Variants in DHX36 observed in about 807,000 individuals in gnomAD.
DHX36 encodes DEAH-box helicase 36, also known as ATP-dependent DNA/RNA helicase DHX36.
Under a neutral mutation model 139.0 loss-of-function variants are expected in DHX36, and 50 were observed. The ratio of observed to expected loss-of-function variants is 0.36; its 90% CI spans 0.29 to 0.46. The LOEUF (loss-of-function observed/expected upper bound fraction) is 0.46, where lower values mean the gene tolerates loss of function less well. DHX36 is among the 20% of genes least tolerant of loss of function. The pLI, the probability that DHX36 is intolerant of heterozygous loss-of-function variation, is 1.00. For missense variants in DHX36, 1,024 were observed against 1,211.3 expected, an observed-to-expected ratio of 0.85 and a Z score of 2.29; for synonymous variants, 425 against 401.9, an observed-to-expected ratio of 1.06 and a Z score of -0.69.
intron 1 of DHX36, chr3:154,319,130 C>G (rs369308262): frequency 3.3e-5 from 5 of 152,158 alleles, no homozygotes; most frequent in African/African-American, 1.2e-4. Context: ...CTCTCTCCCC[C>G]TCAACAACCT....
chr3:154,299,570 T>C (rs1334132709), intron 12 of DHX36, among the ~76,000 whole-genome samples: 1 of 152,118 alleles, frequency 6.6e-6, no homozygotes. Context: ...ATACTCAGAA[T>C]TCAGAAACAC....
intron 13 of DHX36, among the ~76,000 whole-genome samples, chr3:154,294,436 G>C (rs1711946190): frequency 6.6e-6 from 1 of 152,184 alleles, no homozygotes; most frequent in Non-Finnish European, 1.5e-5. Context: ...AAAACTGGTA[G>C]TCAATACAGA....
chr3:154,309,620 A>G, intron 5 of DHX36, 33 bp downstream of exon 5: 1 of 1,551,538 alleles, frequency 6.4e-7, no homozygotes. Context: ...ACTTTTAAAA[A>G]GACAATTTTT....
intron 15 of DHX36, among the ~76,000 whole-genome samples, chr3:154,290,717 T>C (rs1222223090): frequency 2.6e-5 from 4 of 152,090 alleles, no homozygotes; most frequent in Non-Finnish European, 4.4e-5. Context: ...CTTTAGGCTC[T>C]TGCTGCTATA....
intron 20 of DHX36, 126 bp from the exon 21 acceptor site, chr3:154,280,988 T>G: frequency 1.4e-6 from 1 of 714,530 alleles, no homozygotes; most frequent in Non-Finnish European, 2.3e-6. Flanking sequence ...AGCAAACATG[T>G]TTTAAAGCAA....
chr3:154,288,147 C>CAAAAAAAA (rs34632439), intron 17 of DHX36, among the ~76,000 whole-genome samples: 2 of 53,346 alleles, frequency 3.7e-5, no homozygotes, highest in African/African-American at 1.6e-4. Flanking sequence ...GACTCTGTCT[C>CAAAAAAAA]AAAAAAAAAA....
intron 8 of DHX36, among the ~76,000 whole-genome samples, chr3:154,303,967 T>C (rs1712401608): frequency 6.6e-6 from 1 of 152,130 alleles, no homozygotes; most frequent in Non-Finnish European, 1.5e-5. Flanking sequence ...AAAGCAAACA[T>C]CACATCAGAG....
chr3:154,295,194 T>TAA, intron 13 of DHX36, 90 bp downstream of exon 13: 1 of 761,960 alleles, frequency 1.3e-6, no homozygotes, highest in Non-Finnish European at 2.1e-6. Context: ...AAATACTCCT[T>TAA]AAAAAAAATA....
In DHX36 at chr3:154,284,601, T is replaced by G. The variant is rs969131416; in HGVS notation, c.2274A>C (p.Thr758=). The G allele has an allele frequency of 3.1e-6, 5 of 1,609,376 alleles. No individual in the cohort carries two copies. Among genetic ancestry groups the G allele is most frequent in the Non-Finnish European group, 4.2e-6 (5 of 1,178,480 alleles). Residue 758 remains threonine (T), a synonymous_variant, in exon 19 of 25, where the codon ACA becomes ACC. Transcript: ENST00000496811. ...TTTTTACCTCAAACGCATTCACAAC[T>G]GTTAAGTGATCACTTCTAGTATCCT... is the stretch of plus-strand genomic sequence containing the variant. ...LAKDTRSDHL[T]VVNAFEGWEE...
At chr3:154,292,842 G>A in intron 14 of DHX36, 148 bp from the exon 15 acceptor site, 1 of 1,340,164 alleles carries the variant, frequency 7.5e-7, no homozygotes, top group Non-Finnish European at 9.8e-7. Flanking sequence ...AATGATTTTA[G>A]CCATTCAGGA....
At chr3:154,300,858 A>G (rs1712240926) in intron 10 of DHX36, 129 bp downstream of exon 10, 7 of 1,379,402 alleles carry the variant, frequency 5.1e-6, no homozygotes. Context: ...TCAGCACAAT[A>G]TTTAGCTCGA....
Position 154,324,243 on chromosome 3 carries a change from T to C in DHX36, c.174A>G (p.Lys58=), listed in dbSNP as rs1287135753. The change falls in exon 1 of 25, where the codon AAA becomes AAG. Residue 58 remains lysine, a synonymous_variant. Transcript: ENST00000496811. ...GGRGRHPGHL[K]GREIGMWYAK... is the part of the protein sequence containing the mutation. ...CGTACCACATGCCGATTTCGCGGCC[T>C]TTCAGGTGCCCGGGATGCCGGCCCC... 3 of 1,613,554 alleles carry C rather than the reference T, an allele frequency of 1.9e-6. No individual in the cohort carries two copies. The South Asian group carries it at 3.3e-5, about 18-fold the overall frequency.
rs1372790191 is a variant in DHX36, at chr3:154,309,826, A to G, written c.643-3T>C. ...TTATCAATTAAATTTACCAATTCCT[A>G]TTTCAAAAGGGAAAATAAAGAATAT... is the stretch of plus-strand genomic sequence containing the variant. On this transcript the variant is annotated splice_region_variant and splice_polypyrimidine_tract_variant and intron_variant, in intron 4 of 24. Coordinates refer to ENST00000496811, the MANE Select transcript of DHX36 (RefSeq NM_020865.3). The G allele has an allele frequency of 6.3e-7, 1 of 1,580,092 alleles. No individual in the cohort carries two copies. The highest frequency in any genetic ancestry group is 8.6e-7 in the Non-Finnish European group (1 of 1,163,710).
At chr3:154,292,775 TAACCTATA>T (rs1462552611) in intron 14 of DHX36, 81 bp from the exon 15 acceptor site, 3 of 1,527,158 alleles carry the variant, frequency 2.0e-6, no homozygotes, top group Non-Finnish European at 2.6e-6. Flanking sequence ...AAAGCACTAT[TAACCTATA>T]AAAGACCAAT....
intron 12 of DHX36, among the ~76,000 whole-genome samples, chr3:154,297,485 G>C (rs1712089076): frequency 6.6e-6 from 1 of 152,162 alleles, no homozygotes; most frequent in Non-Finnish European, 1.5e-5. Context: ...GGCCAAGGCA[G>C]GTGGATTACA....
At chr3:154,306,686 G>A (rs1250327953) in intron 5 of DHX36, among the ~76,000 whole-genome samples, 1 of 152,100 alleles carries the variant, frequency 6.6e-6, no homozygotes, top group African/African-American at 2.4e-5. Context: ...GGTAGGGACT[G>A]GTGTTGAATT....
At position 154,315,216 on chromosome 3, in the gene DHX36, T is replaced by C. The variant is rs1306274182; in HGVS notation, c.433A>G (p.Lys145Glu). Residue 145 changes from lysine to glutamate, a missense_variant, in exon 3 of 25, where the codon AAG becomes GAG. Lys to Glu is a moderately conservative substitution (Grantham distance 56, BLOSUM62 1). Transcript: ENST00000496811. ...CSENKLDIQE[K>E]KLINQEKKMF... ...TTTTTTTCTTGATTTATCAACTTCT[T>C]TTCCTGGATGTCAAGTTTGTTCTCT... 6.2e-7 allele frequency: 1 copy of C among 1,613,616 alleles called. No homozygotes were observed. The highest frequency in any genetic ancestry group is 8.5e-7 in the Non-Finnish European group (1 of 1,179,722).
intron 3 of DHX36, chr3:154,314,564 T>C (rs915934176): frequency 6.5e-6 from 1 of 152,824 alleles, no homozygotes; most frequent in East Asian, 1.9e-4. Flanking sequence ...TTGCCTAGCA[T>C]AGAAAGAAAA....
Position 154,299,831 on chromosome 3 carries a change from A to G in DHX36, c.1549+7T>C, listed in dbSNP as rs770988377. The G allele has an allele frequency of 8.3e-6, 13 of 1,574,942 alleles. No homozygotes were observed. In the Admixed American group the frequency reaches 1.3e-4, roughly 16 times the overall value. On this transcript the variant is annotated splice_region_variant and intron_variant, in intron 12 of 24. Transcript: ENST00000496811. ...TTGAATTACAGTAAAATACATTTAC[A>G]TAGTACCTGATTTAAACATTACTTG...
Sources: allele counts gnomAD v4.1 joint callset (sites outside exome capture counted in the v4.1 genomes callset), GRCh38; gene constraint gnomAD v4.1.1; transcripts MANE v1.5; gene names NCBI Gene and HGNC (gene_info 2026-07-23, HGNC 2026-07-21).